JAK1: variants seen among roughly 807,000 people sequenced by gnomAD.
JAK1 encodes the protein Janus kinase 1.
JAK1 carries 16 observed loss-of-function variants against 136.6 expected under a neutral mutation model. That is an observed-to-expected ratio of 0.12 (90% CI 0.08 to 0.18). The LOEUF (loss-of-function observed/expected upper bound fraction) is 0.18. JAK1 is among the 10% of genes least tolerant of loss of function. JAK1 has a pLI of 1.00. For missense variants in JAK1, 859 were observed against 1,450.1 expected (o/e 0.59, Z 6.62); for synonymous variants, 492 against 519.5 (o/e 0.95, Z 0.72).
rs1227169069 is a variant in JAK1, at chr1:64,836,147, G to A, written c.3209C>T (p.Thr1070Ile). ...IASDVWSFGVTLHELLTYCDS... is the reference protein window; with the variant it reads ...IASDVWSFGVILHELLTYCDS... ...ACAGTAAGTCAGCAGCTCATGCAGA[G>A]TGACTCCAAAAGACCAGACGTCAGA... Residue 1070 changes from threonine to isoleucine, a missense_variant, in exon 23 of 25, where the codon ACT becomes ATT. Thr to Ile is a moderately conservative substitution (Grantham distance 89, BLOSUM62 -1). Transcript: ENST00000342505. 6.2e-7 allele frequency: 1 copy of A among 1,613,110 alleles called. No individual in the cohort carries two copies. Among genetic ancestry groups the A allele is most frequent in the Non-Finnish European group, 8.5e-7 (1 of 1,179,110 alleles).
intron 4 of JAK1, among the ~76,000 whole-genome samples, chr1:64,874,437 T>C (rs151112080): frequency 2.4e-3 from 364 of 152,250 alleles, no homozygotes; most frequent in African/African-American, 8.4e-3. Context: ...ACTAGTCTGT[T>C]TATGTTATTG....
chr1:64,860,314 A>G, intron 8 of JAK1, 52 bp from the exon 9 acceptor site: 1 of 1,503,426 alleles, frequency 6.7e-7, no homozygotes, highest in Non-Finnish European at 9.0e-7. Context: ...TATCAGCTTA[A>G]GTGGCTGACT....
chr1:64,991,895 T>C (rs1646659862), intron 2 of JAK1: 1 of 152,218 alleles, frequency 6.6e-6, no homozygotes, highest in African/African-American at 2.4e-5. Flanking sequence ...TATTATACAC[T>C]GAAAACTGTA....
At chr1:65,065,117 G>C (rs1278445829) in intron 1 of JAK1, among the ~76,000 whole-genome samples, 5 of 152,116 alleles carry the variant, frequency 3.3e-5, no homozygotes, top group African/African-American at 9.7e-5. Flanking sequence ...CAAGGAGCTG[G>C]ATTCCTAAGG....
intron 2 of JAK1, chr1:64,985,318 G>A: frequency 6.2e-7 from 1 of 1,610,778 alleles, no homozygotes; most frequent in Non-Finnish European, 8.5e-7. Context: ...ACTCTAAAGA[G>A]CTCCAGCACA....
chr1:64,904,281 A>G (rs2132753), intron 1 of JAK1, among the ~76,000 whole-genome samples: 145,241 of 152,290 alleles, frequency 0.95, 69,643 homozygotes, highest in East Asian at 1. Flanking sequence ...GAAGTATCGC[A>G]TTCAATTTGA....
At chr1:65,046,723 T>A (rs1226241704) in intron 1 of JAK1, among the ~76,000 whole-genome samples, 1 of 151,814 alleles carries the variant, frequency 6.6e-6, no homozygotes, top group Non-Finnish European at 1.5e-5. Flanking sequence ...TGGTTTTTTG[T>A]GTTTTTAGTA....
At chr1:64,968,911 G>A (rs545668224), upstream of JAK1, among the ~76,000 whole-genome samples, 24 of 136,698 alleles carry the variant, frequency 1.8e-4, no homozygotes, top group African/African-American at 5.8e-4. Flanking sequence ...CAGCCTGGGC[G>A]ACAGAGCGAG....
At chr1:64,904,788 G>A (rs1021454595) in intron 1 of JAK1, among the ~76,000 whole-genome samples, 1 of 151,918 alleles carries the variant, frequency 6.6e-6, no homozygotes. Flanking sequence ...ACACAAGCAT[G>A]GGATAAAATC....
chr1:64,913,474 T>C (rs1473312369), intron 1 of JAK1, among the ~76,000 whole-genome samples: 6 of 152,070 alleles, frequency 3.9e-5, no homozygotes, highest in Admixed American at 3.3e-4. Flanking sequence ...GCCTCTGTGC[T>C]AGAAATTGGT....
chr1:65,052,293 TGTCTTAAATATGAAAGAA>T (rs1224372798), intron 1 of JAK1, among the ~76,000 whole-genome samples: 1 of 151,828 alleles, frequency 6.6e-6, no homozygotes, highest in African/African-American at 2.4e-5. Context: ...ACACTCATCA[TGTCTTAAATATGAAAGAA>T]AAATACAAAA....
intron 10 of JAK1, 31 bp downstream of exon 10, chr1:64,857,625 T>C (rs200734451): frequency 4.2e-4 from 673 of 1,612,916 alleles, no homozygotes; most frequent in Non-Finnish European, 5.6e-4. Flanking sequence ...CATGGCTGTA[T>C]GGCCTGGTCC....
chr1:64,853,408 G>A (rs1015603580), intron 11 of JAK1, among the ~76,000 whole-genome samples: 3 of 152,332 alleles, frequency 2.0e-5, no homozygotes, highest in East Asian at 1.9e-4. Flanking sequence ...GACAACGTGA[G>A]TTCAAATCCC....
At chr1:64,962,510 C>T (rs1646299535) in intron 1 of JAK1, among the ~76,000 whole-genome samples, 1 of 152,180 alleles carries the variant, frequency 6.6e-6, no homozygotes, top group Non-Finnish European at 1.5e-5. Flanking sequence ...CGGAAATGAG[C>T]TTAATGTTTT....
intron 1 of JAK1, among the ~76,000 whole-genome samples, chr1:64,930,672 CAT>C (rs1365354130): frequency 6.6e-6 from 1 of 151,922 alleles, no homozygotes; most frequent in East Asian, 1.9e-4. Flanking sequence ...GATTATAAAT[CAT>C]TCTACTATAA....
intron 1 of JAK1, among the ~76,000 whole-genome samples, chr1:64,933,731 G>A (rs552168146): frequency 6.4e-4 from 98 of 152,210 alleles, no homozygotes; most frequent in African/African-American, 2.1e-3. Context: ...AAGATGTAGC[G>A]TATAAAAAGG....
intron 1 of JAK1, among the ~76,000 whole-genome samples, chr1:64,928,797 C>CAAAAAAAAAAAAAAAAAAAAAAAAAA (rs397953329): frequency 1.2e-5 from 1 of 80,816 alleles, no homozygotes; most frequent in Non-Finnish European, 2.6e-5. Context: ...AAAAAAAAAA[C>CAAAAAAAAAAAAAAAAAAAAAAAAAA]AAAAAAAAAA....
At chr1:64,877,008 G>A (rs1238329596) in intron 4 of JAK1, among the ~76,000 whole-genome samples, 1 of 152,090 alleles carries the variant, frequency 6.6e-6, no homozygotes, top group Non-Finnish European at 1.5e-5. Flanking sequence ...AATATTTTTT[G>A]AAAAGGAATA....
intron 7 of JAK1, among the ~76,000 whole-genome samples, chr1:64,866,188 G>A (rs1056991675): frequency 2.0e-5 from 3 of 152,184 alleles, no homozygotes; most frequent in African/African-American, 7.2e-5. Context: ...TTATGAGTTA[G>A]ACAGTAGGTA....
Sources: allele counts gnomAD v4.1 joint callset (sites outside exome capture counted in the v4.1 genomes callset), GRCh38; gene constraint gnomAD v4.1.1; transcripts MANE v1.5; gene names NCBI Gene and HGNC (gene_info 2026-07-23, HGNC 2026-07-21).